Variants in UBE2E2 observed in about 807,000 individuals in gnomAD.
The protein encoded by UBE2E2 is ubiquitin-conjugating enzyme E2 E2.
UBE2E2 carries 6 observed loss-of-function variants against 24.7 expected under a neutral mutation model. The ratio of observed to expected loss-of-function variants is 0.24; its 90% CI spans 0.13 to 0.48. The LOEUF (loss-of-function observed/expected upper bound fraction) is 0.48. Among genes scored for constraint, UBE2E2 ranks in the 20% least tolerant of loss-of-function variants. The pLI is 0.99. For synonymous variants in UBE2E2, 104 were observed against 83.6 expected (o/e 1.24, Z -1.33); for missense variants, 169 against 245.0 (o/e 0.69, Z 2.07).
intron 4 of UBE2E2, among the ~76,000 whole-genome samples, chr3:23,513,228 A>G (rs1694648397): frequency 6.6e-6 from 1 of 152,050 alleles, no homozygotes; most frequent in Non-Finnish European, 1.5e-5. Context: ...TTCTTTTTAA[A>G]TTAGTTTTAA....
intron 3 of UBE2E2, among the ~76,000 whole-genome samples, chr3:23,482,931 A>G (rs113403608): frequency 9.8e-4 from 150 of 152,342 alleles, no homozygotes; most frequent in Non-Finnish European, 1.7e-3. Context: ...ATGTTATTAT[A>G]TAAATATTGT....
At position 23,244,457 on chromosome 3, in the gene UBE2E2, A is replaced by G. The variant is rs543224495; in HGVS notation, c.227+27145A>G. 2.2e-4 allele frequency among the ~76,000 whole-genome samples: 34 copies of G among 152,274 alleles called. 1 individual carries two copies. In the South Asian group the frequency reaches 7.0e-3, roughly 32 times the overall value. Reference sequence around the variant, plus strand: ...GTGTGCTTTAGCCTCCTTAATGAAGATTTTTACAGTCAAAGTGGAAGAGGG... The same window carrying G: ...GTGTGCTTTAGCCTCCTTAATGAAGGTTTTTACAGTCAAAGTGGAAGAGGG... On this transcript the variant is annotated intron_variant, in intron 3 of 5. Coordinates refer to ENST00000396703, the MANE Select transcript of UBE2E2 (RefSeq NM_152653.4).
chr3:23,453,137 T>C (rs1331334829), intron 3 of UBE2E2, among the ~76,000 whole-genome samples: 1 of 152,200 alleles, frequency 6.6e-6, no homozygotes, highest in African/African-American at 2.4e-5. Context: ...GAAGTTTGAA[T>C]GTGCCTTCCT....
chr3:23,388,782 G>A (rs888801932), intron 3 of UBE2E2, among the ~76,000 whole-genome samples: 10 of 151,970 alleles, frequency 6.6e-5, no homozygotes, highest in African/African-American at 1.9e-4. Flanking sequence ...CAAGGCAGGC[G>A]GATCATGAGG....
At chr3:23,405,644 T>G (rs1301805502) in intron 3 of UBE2E2, among the ~76,000 whole-genome samples, 2 of 152,094 alleles carry the variant, frequency 1.3e-5, no homozygotes, top group African/African-American at 4.8e-5. Flanking sequence ...ACTGGGTGAT[T>G]GAAGATAATG....
At chr3:23,323,813 T>G (rs1694812143) in intron 3 of UBE2E2, among the ~76,000 whole-genome samples, 1 of 152,116 alleles carries the variant, frequency 6.6e-6, no homozygotes, top group Non-Finnish European at 1.5e-5. Context: ...AGAAATCTCT[T>G]ATTCCCCTGT....
At chr3:23,276,905 ACTTG>A (rs577270595) in intron 3 of UBE2E2, among the ~76,000 whole-genome samples, 154 of 152,174 alleles carry the variant, frequency 1.0e-3, no homozygotes, top group Middle Eastern at 3.4e-3. Flanking sequence ...TAATTTTTGT[ACTTG>A]CTTAAGGAAG....
intron 3 of UBE2E2, among the ~76,000 whole-genome samples, chr3:23,395,133 C>T (rs913537756): frequency 6.6e-6 from 1 of 152,096 alleles, no homozygotes. Context: ...TATAGATGAA[C>T]GTGTTGAGAA....
intron 2 of UBE2E2, among the ~76,000 whole-genome samples, chr3:23,215,755 A>C (rs1024393594): frequency 5.3e-5 from 8 of 151,944 alleles, no homozygotes; most frequent in Non-Finnish European, 1.0e-4. Flanking sequence ...TATGTCCCCT[A>C]CCCACCCAGT....
intron 3 of UBE2E2, among the ~76,000 whole-genome samples, chr3:23,465,474 A>G (rs1698901602): frequency 6.6e-6 from 1 of 152,268 alleles, no homozygotes; most frequent in Non-Finnish European, 1.5e-5. Context: ...AGGGACCAAT[A>G]GCCTTTGCTA....
chr3:23,501,073 T>C (rs1162044840), intron 4 of UBE2E2, among the ~76,000 whole-genome samples: 1 of 152,168 alleles, frequency 6.6e-6, no homozygotes, highest in Non-Finnish European at 1.5e-5. Flanking sequence ...TTTTCTACTT[T>C]AGACCAGCCC....
chr3:23,384,159 C>T (rs1018305976), intron 3 of UBE2E2, among the ~76,000 whole-genome samples: 2 of 152,020 alleles, frequency 1.3e-5, no homozygotes, highest in Non-Finnish European at 2.9e-5. Flanking sequence ...CCACACCCAG[C>T]TAAGTTTTTT....
chr3:23,455,414 C>G (rs1346735471), intron 3 of UBE2E2, among the ~76,000 whole-genome samples: 1 of 152,090 alleles, frequency 6.6e-6, no homozygotes, highest in East Asian at 1.9e-4. Context: ...ATGCATATAC[C>G]TTAATAACAA....
chr3:23,310,605 C>T (rs568871207), intron 3 of UBE2E2, among the ~76,000 whole-genome samples: 8 of 152,060 alleles, frequency 5.3e-5, no homozygotes, highest in East Asian at 1.9e-4. Context: ...AACCTTGAGC[C>T]GGGCATTATG....
At chr3:23,486,034 T>G (rs1699361287) in intron 3 of UBE2E2, among the ~76,000 whole-genome samples, 2 of 152,130 alleles carry the variant, frequency 1.3e-5, no homozygotes, top group African/African-American at 4.8e-5. Flanking sequence ...TGCTTGAGTT[T>G]TGCTCATGCC....
At chr3:23,440,305 A>C (rs531556587) in intron 3 of UBE2E2, among the ~76,000 whole-genome samples, 2 of 152,274 alleles carry the variant, frequency 1.3e-5, no homozygotes, top group South Asian at 4.1e-4. Flanking sequence ...ATGGGGTCTC[A>C]CTATGTTGCC....
At chr3:23,408,925 G>A (rs1393881316) in intron 3 of UBE2E2, among the ~76,000 whole-genome samples, 1 of 152,092 alleles carries the variant, frequency 6.6e-6, no homozygotes, top group African/African-American at 2.4e-5. Context: ...TCAAAGAAGA[G>A]CCCTTGTATT....
At chr3:23,582,938 T>C (rs544552077) in intron 5 of UBE2E2, among the ~76,000 whole-genome samples, 1 of 151,846 alleles carries the variant, frequency 6.6e-6, no homozygotes, top group South Asian at 2.1e-4. Context: ...TTTAATTAGA[T>C]CCCATTTGTC....
intron 3 of UBE2E2, among the ~76,000 whole-genome samples, chr3:23,363,374 A>G (rs1386461850): frequency 6.6e-6 from 1 of 152,256 alleles, no homozygotes; most frequent in Non-Finnish European, 1.5e-5. Context: ...TAAAGAAGCA[A>G]GATCGAACTG....
Sources: gnomAD v4.1 joint callset for allele counts (sites outside exome capture counted in the v4.1 genomes callset) on GRCh38, gnomAD v4.1.1 for gene constraint, MANE v1.5 for transcripts, NCBI Gene and HGNC (gene_info 2026-07-23, HGNC 2026-07-21) for gene names.